FBXO10: variants seen among roughly 807,000 people sequenced by gnomAD.
FBXO10 encodes the protein F-box protein 10, also known as F-box only protein 10.
FBXO10 carries 39 observed loss-of-function variants against 80.7 expected under a neutral mutation model. The ratio of observed to expected loss-of-function variants is 0.48; its 90% CI spans 0.37 to 0.63. The LOEUF is 0.63. FBXO10 is among the 30% of genes least tolerant of loss of function. The pLI is 0.00. For synonymous variants in FBXO10, 449 were observed against 489.6 expected (o/e 0.92, Z 1.09); for missense variants, 1,025 against 1,269.0 (o/e 0.81, Z 2.92).
intron 3 of FBXO10, among the ~76,000 whole-genome samples, chr9:37,532,775 C>A (rs1437396413): frequency 6.6e-6 from 1 of 152,192 alleles, no homozygotes; most frequent in African/African-American, 2.4e-5. Flanking sequence ...GAGTGGTCTT[C>A]AAACTTTACA....
At chr9:37,569,395 C>CAAAAAAAAA (rs35292200) in intron 1 of FBXO10, among the ~76,000 whole-genome samples, 7 of 123,070 alleles carry the variant, frequency 5.7e-5, no homozygotes, top group East Asian at 2.2e-4. Context: ...AGATATAAAG[C>CAAAAAAAAA]AAAAAAAAAA....
chr9:37,521,109 G>A (rs926067725), intron 8 of FBXO10, among the ~76,000 whole-genome samples: 1 of 152,206 alleles, frequency 6.6e-6, no homozygotes, highest in Middle Eastern at 3.2e-3. Flanking sequence ...AGGAAAGAAT[G>A]GATTCAAGTT....
intron 8 of FBXO10, among the ~76,000 whole-genome samples, chr9:37,520,807 G>T (rs1402398315): frequency 1.3e-5 from 2 of 152,184 alleles, no homozygotes; most frequent in Non-Finnish European, 2.9e-5. Context: ...TCCTAGAGTT[G>T]ATTAAAAGCA....
At chr9:37,575,931 A>G (rs1357980115) in intron 1 of FBXO10, among the ~76,000 whole-genome samples, 1 of 152,198 alleles carries the variant, frequency 6.6e-6, no homozygotes, top group Non-Finnish European at 1.5e-5. Flanking sequence ...CCGCGGAGAT[A>G]CATGCTCCGC....
intron 1 of FBXO10, among the ~76,000 whole-genome samples, chr9:37,568,066 G>A (rs912069487): frequency 2.0e-5 from 3 of 152,128 alleles, no homozygotes; most frequent in African/African-American, 7.2e-5. Context: ...GTGAGAGACT[G>A]CAAGAGATCA....
intron 1 of FBXO10, among the ~76,000 whole-genome samples, chr9:37,551,991 A>G (rs1822208325): frequency 6.6e-6 from 1 of 152,224 alleles, no homozygotes. Context: ...TAGGACACAG[A>G]CATTGATTCA....
intron 2 of FBXO10, among the ~76,000 whole-genome samples, chr9:37,538,920 G>A (rs1368738030): frequency 6.6e-6 from 1 of 152,168 alleles, no homozygotes; most frequent in Non-Finnish European, 1.5e-5. Context: ...GTCCTCAAGA[G>A]TCTGGAGTGG....
chr9:37,525,456 C>T (rs1383222484), intron 5 of FBXO10, among the ~76,000 whole-genome samples: 1 of 152,128 alleles, frequency 6.6e-6, no homozygotes, highest in Non-Finnish European at 1.5e-5. Flanking sequence ...GACAGCTTGA[C>T]CAAAAACTAA....
intron 4 of FBXO10, among the ~76,000 whole-genome samples, chr9:37,529,937 G>A (rs1252932530): frequency 6.6e-6 from 1 of 150,972 alleles, no homozygotes; most frequent in Non-Finnish European, 1.5e-5. Context: ...GCCTCCCAAA[G>A]TGCTGGGATT....
At chr9:37,573,787 T>C (rs761260443) in intron 1 of FBXO10, among the ~76,000 whole-genome samples, 70 of 152,300 alleles carry the variant, frequency 4.6e-4, no homozygotes, top group Middle Eastern at 3.4e-3. Flanking sequence ...TAAACTGAAA[T>C]AGACAAAATC....
In FBXO10 at chr9:37,520,816, C is replaced by T. The variant is rs77175901; in HGVS notation, c.2200+753G>A. Among the ~76,000 whole-genome samples, 210 of 152,256 alleles carry T rather than the reference C, an allele frequency of 1.4e-3. 1 individual carries two copies. Among genetic ancestry groups the T allele is most frequent in the African/African-American group, 4.9e-3 (203 of 41,538 alleles). On this transcript the variant is annotated intron_variant, in intron 8 of 10. Transcript: ENST00000432825. Reference sequence around the variant, plus strand: ...AATGTATCCTAGAGTTGATTAAAAGCATGTGTGCCAGAGGTGGGATTTGGT... The same window carrying T: ...AATGTATCCTAGAGTTGATTAAAAGTATGTGTGCCAGAGGTGGGATTTGGT...
At chr9:37,560,305 C>T (rs753204891) in intron 1 of FBXO10, among the ~76,000 whole-genome samples, 2 of 152,124 alleles carry the variant, frequency 1.3e-5, no homozygotes, top group Non-Finnish European at 2.9e-5. Context: ...AGCCACCTGA[C>T]GTAGAAACTA....
rs371784557 is a variant in FBXO10 at position 37,525,950 on chromosome 9, A to G, written c.1707-778T>C. ...GCTCAGGCTAGCCTCAACCTCTTGC[A>G]CTCAAGTGATCCTCCCACCTCAGCC... On this transcript the variant is annotated intron_variant, in intron 5 of 10. Transcript: ENST00000432825. Among the ~76,000 whole-genome samples, 154 of 152,148 alleles carry G rather than the reference A, an allele frequency of 1.0e-3. 1 individual carries two copies. Among genetic ancestry groups the G allele is most frequent in the African/African-American group, 3.6e-3 (150 of 41,498 alleles).
At chr9:37,562,024 G>A (rs1022116837) in intron 1 of FBXO10, among the ~76,000 whole-genome samples, 3 of 152,192 alleles carry the variant, frequency 2.0e-5, no homozygotes, top group Non-Finnish European at 2.9e-5. Context: ...CTGTAAAGGG[G>A]AAAGTGGGAA....
intron 2 of FBXO10, among the ~76,000 whole-genome samples, chr9:37,538,175 G>A (rs1821822375): frequency 6.6e-6 from 1 of 152,036 alleles, no homozygotes; most frequent in South Asian, 2.1e-4. Flanking sequence ...AATCTCAAAG[G>A]AAGGGAGACA....
chr9:37,534,830 T>C (rs1375232592), intron 3 of FBXO10, among the ~76,000 whole-genome samples: 1 of 152,106 alleles, frequency 6.6e-6, no homozygotes, highest in Non-Finnish European at 1.5e-5. Flanking sequence ...AACACTCTTA[T>C]CTCTGGGGGT....
At chr9:37,567,740 G>A (rs1313985458) in intron 1 of FBXO10, among the ~76,000 whole-genome samples, 2 of 152,038 alleles carry the variant, frequency 1.3e-5, no homozygotes, top group African/African-American at 4.8e-5. Flanking sequence ...ATGTTGGCCA[G>A]GCTGGTCTTG....
Position 37,512,614 on chromosome 9 carries a change from G to C in FBXO10, c.2804C>G (p.Thr935Arg). Reference protein sequence around the residue: ...HNGQKVTAMATRITARVEGGY... With the variant: ...HNGQKVTAMARRITARVEGGY... ...ACCTTCCACCCGGGCTGTGATCCTC[G>C]TTGCCATGGCTGTCACCTTCTGCCC... is the stretch of plus-strand genomic sequence containing the variant. The change falls in exon 11 of 11, where the codon ACG becomes AGG. Residue 935 changes from threonine (T) to arginine (R), a missense_variant. Physicochemically the swap from Thr to Arg is moderately conservative, Grantham distance 71. Around this residue, in one of 3 missense-constraint regions of FBXO10, gnomAD observed 97 missense variants for 101.8 expected, o/e 0.95. Transcript: ENST00000432825. 2 of 1,613,950 alleles carry C rather than the reference G, an allele frequency of 1.2e-6. No individual in the cohort carries two copies. Among genetic ancestry groups the C allele is most frequent in the Non-Finnish European group, 1.7e-6 (2 of 1,179,874 alleles).
intron 3 of FBXO10, among the ~76,000 whole-genome samples, chr9:37,534,546 G>GT (rs1821709051): frequency 6.6e-6 from 1 of 152,260 alleles, no homozygotes; most frequent in African/African-American, 2.4e-5. Flanking sequence ...ATACAAGCCA[G>GT]TAAGAACTCA....
Sources: gnomAD v4.1 joint callset for allele counts (sites outside exome capture counted in the v4.1 genomes callset) on GRCh38, gnomAD v4.1.1 for gene constraint, gnomAD v4.1.1 regional missense constraint, MANE v1.5 for transcripts, NCBI Gene and HGNC (gene_info 2026-07-23, HGNC 2026-07-21) for gene names.